The following EWSR1 variants were observed in gnomAD, a reference collection of about 807,000 sequenced individuals.
EWSR1 encodes the protein EWS RNA binding protein 1.
EWSR1 carries 14 observed loss-of-function variants against 92.1 expected under a neutral mutation model. The ratio of observed to expected loss-of-function variants is 0.15; its 90% CI spans 0.10 to 0.24. EWSR1 has a LOEUF of 0.24. Among genes scored for constraint, EWSR1 ranks in the 10% least tolerant of loss-of-function variants. The pLI, the probability that EWSR1 is intolerant of heterozygous loss-of-function variation, is 1.00. For missense variants in EWSR1, 637 were observed against 870.9 expected (o/e 0.73, Z 3.38); for synonymous variants, 303 against 292.9 (o/e 1.03, Z -0.35).
chr22:29,286,634 C>T (rs1001272163), intron 6 of EWSR1, among the ~76,000 whole-genome samples: 9 of 141,898 alleles, frequency 6.3e-5, no homozygotes, highest in African/African-American at 2.1e-4. Context: ...TTGCAGTGAC[C>T]GGAGATCACG....
chr22:29,268,440 G>A, intron 1 of EWSR1, 91 bp downstream of exon 1: 1 of 1,610,528 alleles, frequency 6.2e-7, no homozygotes, highest in Non-Finnish European at 8.5e-7. Context: ...GGAAGACTGA[G>A]TGGAGTTGCC....
At chr22:29,284,927 C>G (rs2059905682) in intron 6 of EWSR1, among the ~76,000 whole-genome samples, 1 of 151,202 alleles carries the variant, frequency 6.6e-6, no homozygotes, top group Admixed American at 6.6e-5. Context: ...TAAAGTGATT[C>G]TCCTACGTCA....
rs1178694297 is a variant in EWSR1 at position 29,300,264 on chromosome 22, T to G, written c.*103T>G. ...ATATTTATAATGTTGGCCACAACAT[T>G]ATGATTATTCCTTGTCTGTACTTTA... On this transcript the variant is annotated 3_prime_UTR_variant, in exon 17 of 17. Coordinates refer to ENST00000397938, the MANE Select transcript of EWSR1 (RefSeq NM_005243.4). 5 of 1,113,208 alleles carry G rather than the reference T, an allele frequency of 4.5e-6. No individual in the cohort carries two copies. The highest frequency in any genetic ancestry group is 6.7e-6 in the Non-Finnish European group (5 of 747,860). 69.0% of individuals were successfully genotyped at this position (1,113,208 alleles called of 1,614,324 possible). A position where few individuals can be genotyped will look rare whatever the true frequency, so the allele number is the denominator to read the frequency against.
Position 29,297,909 on chromosome 22 carries a change from A to G in EWSR1, c.1377A>G (p.Pro459=). 1 of 1,613,678 alleles carries G rather than the reference A, an allele frequency of 6.2e-7. No individual in the cohort carries two copies. Among genetic ancestry groups the G allele is most frequent in the Non-Finnish European group, 8.5e-7 (1 of 1,179,890 alleles). The change falls in exon 13 of 17, where the codon CCA becomes CCG. Residue 459 remains proline, a synonymous_variant. Transcript: ENST00000397938. ...TGAACAGTATGCGGGGTGGTCTGCC[A>G]CCCCGTGAGGGCAGAGGCATGCCAC... is the stretch of plus-strand genomic sequence containing the variant. ...PPMNSMRGGL[P]PREGRGMPPP...
At chr22:29,277,086 G>A (rs2059182047) in intron 4 of EWSR1, 1 of 229,388 alleles carries the variant, frequency 4.4e-6, no homozygotes, top group Non-Finnish European at 8.6e-6. Flanking sequence ...GAAGGGAAAG[G>A]CATGGATCCT....
Position 29,300,346 on chromosome 22 carries a change from GTTT to G in EWSR1, c.*192_*194del, listed in dbSNP as rs897774682. The G allele has an allele frequency of 1.8e-6, 1 of 570,696 alleles. No homozygotes were observed. The highest frequency in any genetic ancestry group is 3.0e-6 in the Non-Finnish European group (1 of 337,114). The allele number at this position is 570,696 out of a possible 1,614,324, so 35.4% of individuals were successfully genotyped here. Reference sequence around the variant, plus strand: ...AACAAGTTAAATGGTAGTGTGCGGAGTTTTTTTTTCTTCCTTCTTTTAAAAATG... The same window carrying G: ...AACAAGTTAAATGGTAGTGTGCGGAGTTTTTTCTTCCTTCTTTTAAAAATG... On this transcript the variant is annotated 3_prime_UTR_variant, in exon 17 of 17. Coordinates refer to ENST00000397938, the MANE Select transcript of EWSR1 (RefSeq NM_005243.4).
intron 4 of EWSR1, chr22:29,275,638 A>G (rs147088527): frequency 1.3e-5 from 3 of 230,028 alleles, no homozygotes; most frequent in African/African-American, 4.4e-5. Flanking sequence ...TCAAGCACAC[A>G]TGCTGCATTT....
chr22:29,272,137 C>A (rs1341784629), intron 1 of EWSR1, 79 bp from the exon 2 acceptor site: 2 of 1,301,630 alleles, frequency 1.5e-6, no homozygotes, highest in Non-Finnish European at 2.2e-6. Flanking sequence ...CTTCCTGCCA[C>A]GTGAATTCTT....
chr22:29,268,498 G>A (rs1278484860), intron 1 of EWSR1, 149 bp downstream of exon 1: 1 of 1,432,218 alleles, frequency 7.0e-7, no homozygotes, highest in Non-Finnish European at 9.8e-7. Flanking sequence ...TCGGGGATCC[G>A]CATTCCTCTC....
intron 8 of EWSR1, chr22:29,289,410 G>A (rs988745219): frequency 2.2e-5 from 5 of 230,948 alleles, no homozygotes; most frequent in Middle Eastern, 1.3e-3. Context: ...AGTCTAAATC[G>A]GTTTGACCAT....
At position 29,298,730 on chromosome 22, in the gene EWSR1, T is replaced by TAGGTCCAGG; in HGVS notation, c.1419_1427dup. 1.2e-6 allele frequency: 2 copies of TAGGTCCAGG among 1,613,086 alleles called. No individual in the cohort carries two copies. Among genetic ancestry groups the TAGGTCCAGG allele is most frequent in the Non-Finnish European group, 1.7e-6 (2 of 1,179,790 alleles). On this transcript the variant is annotated splice_polypyrimidine_tract_variant and splice_region_variant and intron_variant, in intron 13 of 16. Transcript: ENST00000397938. ...TTGCTGTTTCTTGTTGTTCTTGTTG[T>TAGGTCCAGG]AGGTCCAGGAGGCCCAGGAGGTCCT...
At position 29,280,860 on chromosome 22, in the gene EWSR1, T is replaced by G. The variant is rs1258518699; in HGVS notation, c.414-1530T>G. ...AGCTAATTTTGTGTGTGTGTGTGTG[T>G]TGTTTTTTTTTTTTTTTTTTTTTTT... On this transcript the variant is annotated intron_variant, in intron 5 of 16. Transcript: ENST00000397938. 1.3e-4 allele frequency among the ~76,000 whole-genome samples: 14 copies of G among 108,110 alleles called. No individual in the cohort carries two copies. In the East Asian group the frequency reaches 4.0e-3, roughly 31 times the overall value. 70.9% of individuals were successfully genotyped at this position (108,110 alleles called of 152,430 possible).
At chr22:29,274,149 A>G (rs1477793230) in intron 4 of EWSR1, 1 of 1,136,086 alleles carries the variant, frequency 8.8e-7, no homozygotes, top group African/African-American at 1.5e-5. Context: ...TGCTAATGCT[A>G]ATACTGAGTA....
At chr22:29,273,891 G>C (rs1475321524) in intron 4 of EWSR1, 27 bp downstream of exon 4, 1 of 1,612,486 alleles carries the variant, frequency 6.2e-7, no homozygotes, top group Admixed American at 1.7e-5. Flanking sequence ...AGAGATTTTT[G>C]GGTCGTTCTG....
intron 6 of EWSR1, among the ~76,000 whole-genome samples, chr22:29,284,908 C>G (rs1226438035): frequency 2.0e-5 from 3 of 151,226 alleles, no homozygotes; most frequent in African/African-American, 4.9e-5. Context: ...CAACCCTCGC[C>G]TCCCAGGTTA....
intron 1 of EWSR1, among the ~76,000 whole-genome samples, chr22:29,270,103 T>TTA (rs2058547859): frequency 6.6e-6 from 1 of 152,186 alleles, no homozygotes; most frequent in Non-Finnish European, 1.5e-5. Flanking sequence ...TTCCACAAAT[T>TTA]TGTCCTATGC....
At chr22:29,299,150 T>A in intron 14 of EWSR1, 84 bp from the exon 15 acceptor site, 3 of 1,611,334 alleles carry the variant, frequency 1.9e-6, no homozygotes, top group Non-Finnish European at 2.5e-6. Context: ...TGATAGTGAG[T>A]GTGTACCTGT....
intron 11 of EWSR1, chr22:29,295,733 A>G (rs2060808273): frequency 4.4e-6 from 1 of 226,062 alleles, no homozygotes. Flanking sequence ...ATTCAAGTCA[A>G]CCACATCTGA....
chr22:29,277,866 CTTTAAATACCAGT>C (rs1285848755), intron 4 of EWSR1, 151 bp from the exon 5 acceptor site: 1 of 617,320 alleles, frequency 1.6e-6, no homozygotes, highest in Non-Finnish European at 2.8e-6. Context: ...AGAACTTAGG[CTTTAAATACCAGT>C]TTGTTGCTAC....
Sources: allele counts gnomAD v4.1 joint callset (sites outside exome capture counted in the v4.1 genomes callset), GRCh38; gene constraint gnomAD v4.1.1; transcripts MANE v1.5; gene names NCBI Gene and HGNC (gene_info 2026-07-23, HGNC 2026-07-21).